APIP: variants seen among roughly 807,000 people sequenced by gnomAD.
APIP encodes the protein methylthioribulose-1-phosphate dehydratase.
Under a neutral mutation model 32.0 loss-of-function variants are expected in APIP, and 32 were observed. The ratio of observed to expected loss-of-function variants is 1.00; its 90% CI spans 0.76 to 1.34. The LOEUF is 1.34. Ranked by LOEUF, APIP falls within the 40% of genes most tolerant of loss-of-function variation. The pLI, the probability that APIP is intolerant of heterozygous loss-of-function variation, is 0.00. For missense variants in APIP, 247 were observed against 298.6 expected (o/e 0.83, Z 1.27); for synonymous variants, 92 against 94.8 (o/e 0.97, Z 0.17).
chr11:34,910,968 G>A (rs1210981573), intron 1 of APIP, among the ~76,000 whole-genome samples: 1 of 152,164 alleles, frequency 6.6e-6, no homozygotes, highest in Non-Finnish European at 1.5e-5. Flanking sequence ...AAACAGGTGT[G>A]GGGTAAAGGA....
intron 5 of APIP, among the ~76,000 whole-genome samples, chr11:34,883,718 TCCTAA>T (rs1565131407): frequency 3.3e-5 from 5 of 152,152 alleles, no homozygotes; most frequent in Non-Finnish European, 5.9e-5. Context: ...CTTGGTCTAA[TCCTAA>T]GCCTAAGTGG....
intron 1 of APIP, among the ~76,000 whole-genome samples, chr11:34,905,875 G>T (rs2421744): frequency 0.22 from 33,803 of 152,090 alleles, 4,930 homozygotes; most frequent in Non-Finnish European, 0.34. Flanking sequence ...TTACAGATCT[G>T]TGGGCAAACT....
Position 34,883,588 on chromosome 11 carries a change from C to G in APIP, c.462-84G>C, listed in dbSNP as rs1853009343. On this transcript the variant is annotated intron_variant, in intron 5 of 6. Transcript: ENST00000395787. The stretch of plus-strand genomic sequence containing the variant: ...ACAACATGTAATTTTTTCAAGTAAC[C>G]AGTTAGACATGCTGTTTGTGTCTGA... The G allele has an allele frequency of 5.7e-6, 8 of 1,397,488 alleles. No individual in the cohort carries two copies. In the South Asian group the frequency reaches 8.2e-5, roughly 14 times the overall value. 86.6% of individuals were successfully genotyped at this position (1,397,488 alleles called of 1,614,324 possible).
chr11:34,907,728 T>C (rs917671209), intron 1 of APIP, among the ~76,000 whole-genome samples: 3 of 152,232 alleles, frequency 2.0e-5, no homozygotes, highest in African/African-American at 7.2e-5. Flanking sequence ...AATAATAATT[T>C]TGAAATGTGT....
chr11:34,896,717 C>T, intron 1 of APIP: 1 of 1,146,512 alleles, frequency 8.7e-7, no homozygotes, highest in Non-Finnish European at 1.1e-6. Flanking sequence ...AACTTAAAAG[C>T]ATAATAAAGC....
At chr11:34,913,527 G>A (rs867700684) in intron 1 of APIP, among the ~76,000 whole-genome samples, 1 of 152,068 alleles carries the variant, frequency 6.6e-6, no homozygotes. Flanking sequence ...CGTTCCTCCC[G>A]GTGGGTTCAT....
intron 5 of APIP, among the ~76,000 whole-genome samples, chr11:34,885,730 G>A (rs139723565): frequency 0.01 from 1,528 of 152,240 alleles, 32 homozygotes; most frequent in African/African-American, 0.034. Flanking sequence ...GGTGGCAGGC[G>A]CAGTGTGAGT....
chr11:34,913,566 C>T (rs140773133), intron 1 of APIP, among the ~76,000 whole-genome samples: 7,054 of 152,234 alleles, frequency 0.046, 509 homozygotes, highest in African/African-American at 0.16. Flanking sequence ...AATGAAGCCG[C>T]AGACCTTCGC....
intron 1 of APIP, among the ~76,000 whole-genome samples, chr11:34,915,280 C>G (rs1012246181): frequency 6.6e-6 from 1 of 152,212 alleles, no homozygotes; most frequent in African/African-American, 2.4e-5. Context: ...TCTCTCTCAT[C>G]CAATCTTGCC....
intron 1 of APIP, among the ~76,000 whole-genome samples, chr11:34,911,595 C>T (rs903137569): frequency 7.9e-5 from 12 of 152,110 alleles, no homozygotes; most frequent in African/African-American, 2.9e-4. Flanking sequence ...ATTTTAAAAT[C>T]AAGAGATTTC....
chr11:34,884,983 CT>C (rs1454582474), intron 5 of APIP, among the ~76,000 whole-genome samples: 1 of 151,658 alleles, frequency 6.6e-6, no homozygotes, highest in African/African-American at 2.4e-5. Context: ...CCCTTTGACC[CT>C]CAAAGAGTAT....
At chr11:34,892,524 A>G (rs898216504) in intron 2 of APIP, among the ~76,000 whole-genome samples, 1 of 93,984 alleles carries the variant, frequency 1.1e-5, no homozygotes, top group Non-Finnish European at 2.8e-5. Flanking sequence ...ATGCAACAGG[A>G]TCAGTCTCTC....
chr11:34,889,323 T>C (rs1853145910), intron 3 of APIP, among the ~76,000 whole-genome samples: 1 of 151,994 alleles, frequency 6.6e-6, no homozygotes, highest in South Asian at 2.1e-4. Context: ...AAGATGGGTG[T>C]TAAAATTTTT....
At chr11:34,905,094 A>G (rs770135101) in intron 1 of APIP, among the ~76,000 whole-genome samples, 4 of 152,238 alleles carry the variant, frequency 2.6e-5, no homozygotes, top group Non-Finnish European at 5.9e-5. Flanking sequence ...TATATGCTGT[A>G]GCACCCTCAG....
chr11:34,905,656 G>A (rs148420160), intron 1 of APIP, among the ~76,000 whole-genome samples: 1 of 152,164 alleles, frequency 6.6e-6, no homozygotes, highest in Non-Finnish European at 1.5e-5. Context: ...AGGGAGGAGA[G>A]TGCAACAAGG....
At chr11:34,906,478 C>T (rs1853458881) in intron 1 of APIP, among the ~76,000 whole-genome samples, 1 of 152,172 alleles carries the variant, frequency 6.6e-6, no homozygotes. Flanking sequence ...GAGGTCTAGT[C>T]TGGATTACGG....
At chr11:34,890,604 CAAAGA>C in intron 2 of APIP, 52 bp from the exon 3 acceptor site, 1 of 1,592,566 alleles carries the variant, frequency 6.3e-7, no homozygotes, top group Non-Finnish European at 8.6e-7. Context: ...TGCTTTTGCA[CAAAGA>C]AAAGTTTGCA....
At chr11:34,886,671 A>G (rs1448148314) in intron 5 of APIP, among the ~76,000 whole-genome samples, 1 of 152,084 alleles carries the variant, frequency 6.6e-6, no homozygotes, top group Non-Finnish European at 1.5e-5. Flanking sequence ...CAGGTGTGCC[A>G]CTTTTTACCT....
At chr11:34,898,865 C>T (rs1237966240) in intron 1 of APIP, among the ~76,000 whole-genome samples, 2 of 133,234 alleles carry the variant, frequency 1.5e-5, no homozygotes, top group Non-Finnish European at 3.1e-5. Flanking sequence ...GTGACGTGAT[C>T]TCGGCTCACT....
Sources: gnomAD v4.1 joint callset for allele counts (sites outside exome capture counted in the v4.1 genomes callset) on GRCh38, gnomAD v4.1.1 for gene constraint, MANE v1.5 for transcripts, NCBI Gene and HGNC (gene_info 2026-07-23, HGNC 2026-07-21) for gene names.